The following ELMOD1 variants were observed in gnomAD, a reference collection of about 807,000 sequenced individuals.
The protein encoded by ELMOD1 is ELMO domain-containing protein 1.
In ELMOD1, 21 loss-of-function variants were observed where a neutral mutation model predicts 46.7. The ratio of observed to expected loss-of-function variants is 0.45; its 90% CI spans 0.32 to 0.65. The LOEUF is 0.65. ELMOD1 is among the 30% of genes least tolerant of loss of function. ELMOD1 has a pLI of 0.04. For synonymous variants in ELMOD1, 122 were observed against 138.2 expected (o/e 0.88, Z 0.82); for missense variants, 348 against 407.8 (o/e 0.85, Z 1.26).
At chr11:107,605,298 C>A (rs185286271) in intron 1 of ELMOD1, among the ~76,000 whole-genome samples, 1 of 150,886 alleles carries the variant, frequency 6.6e-6, no homozygotes, top group East Asian at 2.0e-4. Flanking sequence ...ATATTGGGCT[C>A]AGGTGATTCT....
At chr11:107,662,164 CAG>C (rs1336638418) in intron 11 of ELMOD1, among the ~76,000 whole-genome samples, 1 of 152,162 alleles carries the variant, frequency 6.6e-6, no homozygotes, top group Non-Finnish European at 1.5e-5. Flanking sequence ...TTTTTAGAGA[CAG>C]AGTCTCTCTC....
intron 5 of ELMOD1, among the ~76,000 whole-genome samples, chr11:107,635,200 G>T (rs1397652376): frequency 6.6e-6 from 1 of 152,126 alleles, no homozygotes; most frequent in South Asian, 2.1e-4. Flanking sequence ...ACCACCTGGG[G>T]GGTGCTATAT....
At position 107,655,975 on chromosome 11, in the gene ELMOD1, A is replaced by T; in HGVS notation, c.741A>T (p.Ala247=). 1 of 1,601,048 alleles carries T rather than the reference A, an allele frequency of 6.2e-7. No individual in the cohort carries two copies. The highest frequency in any genetic ancestry group is 1.3e-5 in the African/African-American group (1 of 74,976). Reference sequence around the variant, plus strand: ...TGGGCATCAATATAACTGACCTGGCATATAATCTACTGGTCAGCGGAGCTC... The same window carrying T: ...TGGGCATCAATATAACTGACCTGGCTTATAATCTACTGGTCAGCGGAGCTC... ...AIVGINITDL[A]YNLLVSGALK... is the part of the protein sequence containing the mutation. Residue 247 remains alanine (A), a synonymous_variant, in exon 11 of 12, where the codon GCA becomes GCT. Coordinates refer to ENST00000265840, the MANE Select transcript of ELMOD1 (RefSeq NM_018712.4).
At chr11:107,625,928 A>G (rs1262663521) in intron 2 of ELMOD1, among the ~76,000 whole-genome samples, 1 of 152,210 alleles carries the variant, frequency 6.6e-6, no homozygotes, top group East Asian at 1.9e-4. Flanking sequence ...AGGAAGCTAC[A>G]GTAACTCTTT....
chr11:107,631,346 C>CA (rs1591120847), intron 4 of ELMOD1, among the ~76,000 whole-genome samples: 1 of 149,896 alleles, frequency 6.7e-6, no homozygotes, highest in Middle Eastern at 3.3e-3. Flanking sequence ...AGAACAAAAC[C>CA]AAAAAAATTG....
intron 1 of ELMOD1, among the ~76,000 whole-genome samples, chr11:107,603,929 G>A (rs1865646000): frequency 6.6e-6 from 1 of 151,834 alleles, no homozygotes; most frequent in Admixed American, 6.6e-5. Context: ...AAATACATCA[G>A]CAATGTTGAT....
At chr11:107,617,630 G>A (rs1865884435) in intron 1 of ELMOD1, among the ~76,000 whole-genome samples, 1 of 152,198 alleles carries the variant, frequency 6.6e-6, no homozygotes, top group African/African-American at 2.4e-5. Context: ...TGCGCTTTAA[G>A]TGATTCTTGA....
At chr11:107,591,630 T>C in intron 1 of ELMOD1, 1 of 359,422 alleles carries the variant, frequency 2.8e-6, no homozygotes, top group African/African-American at 2.1e-5. Context: ...CCTTCTATCC[T>C]GTCCTCCCAA....
Position 107,647,499 on chromosome 11 carries a change from T to C in ELMOD1, c.452T>C (p.Leu151Pro). 6.2e-7 allele frequency: 1 copy of C among 1,613,626 alleles called. No individual in the cohort carries two copies. The highest frequency in any genetic ancestry group is 8.5e-7 in the Non-Finnish European group (1 of 1,179,726). Reference sequence around the variant, plus strand: ...AAATTCTTGAAGCCCAATACTCCACTGGAATCTCGGATTTCTAAGCAGTGG... The same window carrying C: ...AAATTCTTGAAGCCCAATACTCCACCGGAATCTCGGATTTCTAAGCAGTGG... The part of the protein sequence containing the change: ...LWKFLKPNTP[L>P]ESRISKQWCE... Residue 151 changes from leucine to proline, a missense_variant, in exon 7 of 12, where the codon CTG (leucine) becomes CCG (proline). Leu to Pro is a moderately conservative substitution (Grantham distance 98, BLOSUM62 -3). Coordinates refer to ENST00000265840, the MANE Select transcript of ELMOD1 (RefSeq NM_018712.4).
Position 107,665,586 on chromosome 11 carries a change from A to C in ELMOD1, c.*389A>C. 1 of 166,836 alleles carries C rather than the reference A, an allele frequency of 6.0e-6. No individual in the cohort carries two copies. The highest frequency in any genetic ancestry group is 1.3e-5 in the Non-Finnish European group (1 of 76,838). The allele number at this position is 166,836 out of a possible 1,614,324, so 10.3% of individuals were successfully genotyped here. A position where few individuals can be genotyped will look rare whatever the true frequency, so the allele number is the denominator to read the frequency against. ...CTGTGAAAGCCTTTTAATTTATTGA[A>C]ATGTTTCATGACTACTGCTGCTAGC... On this transcript the variant is annotated 3_prime_UTR_variant, in exon 12 of 12. Coordinates refer to ENST00000265840, the MANE Select transcript of ELMOD1 (RefSeq NM_018712.4).
intron 10 of ELMOD1, among the ~76,000 whole-genome samples, chr11:107,655,030 T>C (rs1420469043): frequency 2.6e-5 from 4 of 152,172 alleles, no homozygotes; most frequent in African/African-American, 9.7e-5. Flanking sequence ...CTTATTTACA[T>C]TTTTCTCATC....
At chr11:107,642,456 C>T (rs1002365277) in intron 6 of ELMOD1, among the ~76,000 whole-genome samples, 1 of 152,032 alleles carries the variant, frequency 6.6e-6, no homozygotes, top group African/African-American at 2.4e-5. Context: ...GCAACCTCCA[C>T]CTCCCAGGTT....
At chr11:107,607,781 C>G (rs578155089) in intron 1 of ELMOD1, among the ~76,000 whole-genome samples, 1 of 152,270 alleles carries the variant, frequency 6.6e-6, no homozygotes, top group African/African-American at 2.4e-5. Flanking sequence ...GGAGAGAAAA[C>G]TACAAACATT....
intron 6 of ELMOD1, among the ~76,000 whole-genome samples, chr11:107,636,276 T>C (rs12226842): frequency 0.054 from 8,202 of 152,286 alleles, 251 homozygotes; most frequent in South Asian, 0.081. Context: ...CTAGAACTTC[T>C]GGAGAAATAA....
chr11:107,614,278 A>G (rs1865824887), intron 1 of ELMOD1, among the ~76,000 whole-genome samples: 1 of 152,212 alleles, frequency 6.6e-6, no homozygotes, highest in Non-Finnish European at 1.5e-5. Context: ...TCCTATATCT[A>G]TAATTTTAGG....
intron 5 of ELMOD1, among the ~76,000 whole-genome samples, chr11:107,632,645 T>C (rs771580098): frequency 2.6e-5 from 4 of 152,208 alleles, no homozygotes; most frequent in Non-Finnish European, 5.9e-5. Flanking sequence ...GTAAAGGTCT[T>C]TTTGAAACCT....
chr11:107,635,713 G>C lies in ELMOD1; in HGVS notation c.368G>C (p.Arg123Pro). ...RNLIADVEKLRREAYDSDNPQ... is the reference protein window; with the variant it reads ...RNLIADVEKLPREAYDSDNPQ... ...CTTATTGCAGATGTGGAAAAACTGC[G>C]TAGAGAGGCCTATGATTCTGATAAT... is the stretch of plus-strand genomic sequence containing the variant. The change falls in exon 6 of 12, where the codon CGT becomes CCT. Residue 123 changes from arginine to proline, a missense_variant. By Grantham distance (103) the Arg-to-Pro change is moderately radical. Coordinates refer to ENST00000265840, the MANE Select transcript of ELMOD1 (RefSeq NM_018712.4). 6.2e-7 allele frequency: 1 copy of C among 1,613,862 alleles called. No homozygotes were observed. The highest frequency in any genetic ancestry group is 1.3e-5 in the African/African-American group (1 of 75,008).
intron 5 of ELMOD1, among the ~76,000 whole-genome samples, chr11:107,635,352 C>T (rs1264636286): frequency 6.6e-6 from 1 of 152,146 alleles, no homozygotes; most frequent in Non-Finnish European, 1.5e-5. Context: ...TGGCTTCAAG[C>T]AATCCTCCCA....
chr11:107,592,502 G>A (rs1427355566), intron 1 of ELMOD1: 1 of 523,560 alleles, frequency 1.9e-6, no homozygotes, highest in South Asian at 1.4e-5. Context: ...TGGAAAGCAG[G>A]TAGTATGCTT....
Sources: allele counts gnomAD v4.1 joint callset (sites outside exome capture counted in the v4.1 genomes callset), GRCh38; gene constraint gnomAD v4.1.1; transcripts MANE v1.5; gene names NCBI Gene and HGNC (gene_info 2026-07-23, HGNC 2026-07-21).